Variants in ST7 observed in about 807,000 individuals in gnomAD.
ST7 encodes the protein suppressor of tumorigenicity 7 protein.
A neutral mutation model predicts 78.7 loss-of-function variants in ST7; 28 were observed. The ratio of observed to expected loss-of-function variants is 0.36; its 90% CI spans 0.26 to 0.49. The LOEUF (loss-of-function observed/expected upper bound fraction) is 0.49, where lower values mean the gene tolerates loss of function less well. Ranked by LOEUF, ST7 falls within the 20% of genes least tolerant of loss-of-function variation. The pLI, the probability that ST7 is intolerant of heterozygous loss-of-function variation, is 0.99. For synonymous variants in ST7, 247 were observed against 249.6 expected, an observed-to-expected ratio of 0.99 and a Z score of 0.10; for missense variants, 418 against 696.0, an observed-to-expected ratio of 0.60 and a Z score of 4.49.
At chr7:117,224,913 T>C (rs1413106086) in intron 15 of ST7, among the ~76,000 whole-genome samples, 1 of 152,234 alleles carries the variant, frequency 6.6e-6, no homozygotes, top group African/African-American at 2.4e-5. Context: ...GTGGTTTCCC[T>C]GGCTCTACCT....
At chr7:116,995,002 AG>A (rs1170387658) in intron 1 of ST7, among the ~76,000 whole-genome samples, 12 of 152,130 alleles carry the variant, frequency 7.9e-5, no homozygotes, top group African/African-American at 2.9e-4. Context: ...GGTTGGGTTT[AG>A]CCCATGGGAG....
At chr7:117,073,074 G>T (rs1366774689) in intron 1 of ST7, 2 of 152,212 alleles carry the variant, frequency 1.3e-5, no homozygotes, top group East Asian at 3.9e-4. Context: ...CTGCGCTTCA[G>T]TCAGAGGCTG....
intron 1 of ST7, among the ~76,000 whole-genome samples, chr7:117,078,122 A>G (rs928508668): frequency 2.6e-5 from 4 of 152,174 alleles, no homozygotes; most frequent in African/African-American, 7.2e-5. Flanking sequence ...GAGAGAACAA[A>G]TCTGATCCCT....
In ST7 at chr7:117,174,182, T is replaced by C. The variant is rs549411659; in HGVS notation, c.1078+3206T>C. On this transcript the variant is annotated intron_variant, in intron 10 of 15. Coordinates refer to ENST00000323984, the MANE Select transcript of ST7 (RefSeq NM_001369598.1). Reference sequence around the variant, plus strand: ...CCAGGTATTAGTCTAAAATACTATATTGCTATCCTCAGGATTTTTCATACT... The same window carrying C: ...CCAGGTATTAGTCTAAAATACTATACTGCTATCCTCAGGATTTTTCATACT... Among the ~76,000 whole-genome samples the C allele has an allele frequency of 2.0e-5, 3 of 152,346 alleles. No individual in the cohort carries two copies. In the South Asian group the frequency reaches 6.2e-4, roughly 32 times the overall value.
chr7:116,963,632 CTTTTTTTTTTT>C (rs1026576295), intron 1 of ST7, among the ~76,000 whole-genome samples: 1 of 135,834 alleles, frequency 7.4e-6, no homozygotes, highest in African/African-American at 2.7e-5. Flanking sequence ...TCTTTTTTTT[CTTTTTTTTTTT>C]TTTTTGGAGA....
intron 15 of ST7, among the ~76,000 whole-genome samples, chr7:117,224,163 T>C (rs1428952347): frequency 1.3e-5 from 2 of 152,240 alleles, no homozygotes; most frequent in African/African-American, 4.8e-5. Flanking sequence ...TTCCTTGTAC[T>C]GTAAAAATCT....
chr7:117,037,052 T>C (rs1796934838), intron 1 of ST7, among the ~76,000 whole-genome samples: 1 of 152,036 alleles, frequency 6.6e-6, no homozygotes, highest in Non-Finnish European at 1.5e-5. Flanking sequence ...GCAATACAAG[T>C]GGAGAGAGCA....
chr7:117,213,500 A>G (rs1792452072), intron 13 of ST7, among the ~76,000 whole-genome samples: 1 of 152,114 alleles, frequency 6.6e-6, no homozygotes, highest in African/African-American at 2.4e-5. Flanking sequence ...TTATGTTGGA[A>G]CATTAGCCAT....
At chr7:117,214,794 C>T (rs539469189) in intron 13 of ST7, among the ~76,000 whole-genome samples, 3 of 151,966 alleles carry the variant, frequency 2.0e-5, no homozygotes, top group African/African-American at 4.8e-5. Context: ...CTTGATTGTG[C>T]GTTTATTCAT....
At chr7:116,972,563 G>A in intron 1 of ST7, 1 of 1,401,072 alleles carries the variant, frequency 7.1e-7, no homozygotes, top group Non-Finnish European at 1.0e-6. Flanking sequence ...TCTGCAATGT[G>A]CTTAGCTTCT....
chr7:117,016,823 C>T (rs1795638228), intron 1 of ST7, among the ~76,000 whole-genome samples: 1 of 152,106 alleles, frequency 6.6e-6, no homozygotes, highest in Non-Finnish European at 1.5e-5. Context: ...TATATTTAAT[C>T]TATTAAACTT....
chr7:116,983,700 C>A (rs1794063970), intron 1 of ST7, among the ~76,000 whole-genome samples: 1 of 152,048 alleles, frequency 6.6e-6, no homozygotes, highest in African/African-American at 2.4e-5. Flanking sequence ...CGCTACCAAC[C>A]CCCACTGTCT....
chr7:117,222,746 A>G (rs1793181423), intron 15 of ST7: 1 of 824,002 alleles, frequency 1.2e-6, no homozygotes, highest in Admixed American at 1.9e-5. Flanking sequence ...TTCAAACAGA[A>G]GGAATAAGGA....
chr7:117,047,552 A>G (rs1797554204), intron 1 of ST7, among the ~76,000 whole-genome samples: 1 of 152,148 alleles, frequency 6.6e-6, no homozygotes, highest in African/African-American at 2.4e-5. Context: ...CTGCAATCCA[A>G]TTTTACATTA....
intron 13 of ST7, among the ~76,000 whole-genome samples, chr7:117,215,355 T>G (rs75099428): frequency 6.6e-6 from 1 of 152,128 alleles, no homozygotes; most frequent in African/African-American, 2.4e-5. Flanking sequence ...ATCACTTGCA[T>G]TTCTAATTAT....
intron 6 of ST7, among the ~76,000 whole-genome samples, chr7:117,133,607 G>A (rs1405620280): frequency 1.3e-5 from 2 of 151,456 alleles, no homozygotes; most frequent in Non-Finnish European, 1.5e-5. Flanking sequence ...ACATGGGGAC[G>A]GTGATAGGGC....
intron 2 of ST7, among the ~76,000 whole-genome samples, chr7:117,106,108 C>T (rs555775383): frequency 1.1e-3 from 163 of 152,228 alleles, no homozygotes; most frequent in African/African-American, 3.8e-3. Flanking sequence ...ACGCCATTCT[C>T]CTGCCTCAGC....
chr7:117,071,192 C>T (rs1798934019), intron 1 of ST7, among the ~76,000 whole-genome samples: 1 of 152,138 alleles, frequency 6.6e-6, no homozygotes, highest in South Asian at 2.1e-4. Flanking sequence ...GGACTCCATC[C>T]AGCCTGGGCG....
chr7:117,044,150 C>T (rs1398787512), intron 1 of ST7, among the ~76,000 whole-genome samples: 1 of 152,094 alleles, frequency 6.6e-6, no homozygotes, highest in Non-Finnish European at 1.5e-5. Context: ...TTTTCTTTGG[C>T]TTCATAAAGA....
Sources: gnomAD v4.1 joint callset for allele counts (sites outside exome capture counted in the v4.1 genomes callset) on GRCh38, gnomAD v4.1.1 for gene constraint, MANE v1.5 for transcripts, NCBI Gene and HGNC (gene_info 2026-07-23, HGNC 2026-07-21) for gene names.